Variants in RFX3 observed in about 807,000 individuals in gnomAD.
The protein encoded by RFX3 is transcription factor RFX3.
Under a neutral mutation model 98.6 loss-of-function variants are expected in RFX3, and 14 were observed. That is an observed-to-expected ratio of 0.14 (90% CI 0.09 to 0.22). The LOEUF is 0.22. Among genes scored for constraint, RFX3 ranks in the 10% least tolerant of loss-of-function variants. RFX3 has a pLI of 1.00. For synonymous variants in RFX3, 383 were observed against 328.4 expected, an observed-to-expected ratio of 1.17 and a Z score of -1.80; for missense variants, 639 against 926.9, an observed-to-expected ratio of 0.69 and a Z score of 4.03.
chr9:3,346,594 G>T (rs1834463846), intron 3 of RFX3, 73 bp downstream of exon 3: 1 of 896,722 alleles, frequency 1.1e-6, no homozygotes. Flanking sequence ...TCTGGGAATA[G>T]TGGGAGGTGT....
chr9:3,502,350 T>C (rs1463034844), intron 1 of RFX3, among the ~76,000 whole-genome samples: 1 of 152,170 alleles, frequency 6.6e-6, no homozygotes, highest in Non-Finnish European at 1.5e-5. Context: ...GAGCTGATTT[T>C]TGAAATCAAT....
At chr9:3,464,487 G>A (rs1399740018) in intron 1 of RFX3, among the ~76,000 whole-genome samples, 2 of 152,126 alleles carry the variant, frequency 1.3e-5, no homozygotes, top group Admixed American at 1.3e-4. Flanking sequence ...TACATATACA[G>A]CTAAAATCTA....
Position 3,493,701 on chromosome 9 carries a change from ATATATAT to A in RFX3, c.-9+32039_-9+32045del, listed in dbSNP as rs1425464546. On this transcript the variant is annotated intron_variant, in intron 1 of 16. Transcript: ENST00000617270. Reference sequence around the variant, plus strand: ...TCATCTCAAAAAAAAAAAAAAAAAAATATATATATATATATATATATATATACATACA... The same window carrying A: ...TCATCTCAAAAAAAAAAAAAAAAAAAATATATATATATATATATACATACA... 1.1e-3 allele frequency among the ~76,000 whole-genome samples: 101 copies of A among 89,578 alleles called. 1 individual carries two copies. In the South Asian group the frequency reaches 0.029, roughly 26 times the overall value. The allele number at this position is 89,578 out of a possible 152,430, so 58.8% of individuals were successfully genotyped here. A position where few individuals can be genotyped will look rare whatever the true frequency, so the allele number is the denominator to read the frequency against.
intron 1 of RFX3, among the ~76,000 whole-genome samples, chr9:3,402,650 C>A (rs900389152): frequency 4.6e-5 from 7 of 151,742 alleles, no homozygotes; most frequent in Non-Finnish European, 8.8e-5. Context: ...AGTTCTGCAG[C>A]ATTTATATTT....
chr9:3,439,812 T>C (rs1845468834), intron 1 of RFX3, among the ~76,000 whole-genome samples: 1 of 151,936 alleles, frequency 6.6e-6, no homozygotes, highest in African/African-American at 2.4e-5. Flanking sequence ...CACATGGAGA[T>C]ATTACAAGAA....
At chr9:3,322,850 ACCTC>A (rs752862128) in intron 4 of RFX3, among the ~76,000 whole-genome samples, 9 of 152,108 alleles carry the variant, frequency 5.9e-5, no homozygotes, top group Non-Finnish European at 1.0e-4. Context: ...ACAAGTTCTG[ACCTC>A]TTTACCTCCC....
At chr9:3,514,884 A>C (rs895753947) in intron 1 of RFX3, among the ~76,000 whole-genome samples, 11 of 152,182 alleles carry the variant, frequency 7.2e-5, no homozygotes, top group African/African-American at 2.4e-4. Context: ...TGTGCTTTTA[A>C]AGTTGTAAAG....
chr9:3,442,390 T>C (rs953679161), intron 1 of RFX3, among the ~76,000 whole-genome samples: 3 of 151,226 alleles, frequency 2.0e-5, no homozygotes, highest in African/African-American at 4.9e-5. Flanking sequence ...AAAAACAAAA[T>C]TGAAGGATAC....
intron 5 of RFX3, among the ~76,000 whole-genome samples, chr9:3,300,588 T>C (rs1174667574): frequency 6.6e-6 from 1 of 151,838 alleles, no homozygotes; most frequent in Non-Finnish European, 1.5e-5. Flanking sequence ...ATCGAGCTTT[T>C]CAGTTATAAA....
chr9:3,247,742 T>C, intron 15 of RFX3: 1 of 1,542,912 alleles, frequency 6.5e-7, no homozygotes. Context: ...AAAATATTTT[T>C]CATATTCCAG....
At chr9:3,490,555 G>C (rs887639734) in intron 1 of RFX3, among the ~76,000 whole-genome samples, 7 of 151,908 alleles carry the variant, frequency 4.6e-5, no homozygotes, top group African/African-American at 1.7e-4. Flanking sequence ...TACTGTTTTT[G>C]ATTTTACATG....
intron 1 of RFX3, among the ~76,000 whole-genome samples, chr9:3,517,048 C>T (rs1361933096): frequency 6.6e-6 from 1 of 152,170 alleles, no homozygotes; most frequent in African/African-American, 2.4e-5. Context: ...CTTTCTTGTT[C>T]TTACCAGAAG....
intron 1 of RFX3, among the ~76,000 whole-genome samples, chr9:3,482,739 C>G (rs1849892173): frequency 6.6e-6 from 1 of 151,986 alleles, no homozygotes; most frequent in African/African-American, 2.4e-5. Context: ...TAAAATGTCA[C>G]TTAAAAATGA....
At chr9:3,492,904 T>C (rs1850826381) in intron 1 of RFX3, among the ~76,000 whole-genome samples, 2 of 152,326 alleles carry the variant, frequency 1.3e-5, no homozygotes, top group Admixed American at 1.3e-4. Context: ...ATATAGTGAG[T>C]GAGCTTTCAT....
At chr9:3,326,458 T>C (rs1831931518) in intron 4 of RFX3, among the ~76,000 whole-genome samples, 1 of 152,144 alleles carries the variant, frequency 6.6e-6, no homozygotes, top group Admixed American at 6.5e-5. Context: ...TATTATTCAT[T>C]ATTTTTCCTG....
intron 2 of RFX3, among the ~76,000 whole-genome samples, chr9:3,391,084 A>G (rs189106808): frequency 6.6e-6 from 1 of 152,348 alleles, no homozygotes; most frequent in African/African-American, 2.4e-5. Flanking sequence ...ACTACCTTTG[A>G]CATCAATATC....
intron 5 of RFX3, among the ~76,000 whole-genome samples, chr9:3,300,304 T>C (rs1385752412): frequency 6.6e-6 from 1 of 151,822 alleles, no homozygotes; most frequent in African/African-American, 2.4e-5. Context: ...TTTAAGTTTG[T>C]ATGTATAATT....
At chr9:3,351,049 G>A (rs904249724) in intron 2 of RFX3, among the ~76,000 whole-genome samples, 18 of 151,438 alleles carry the variant, frequency 1.2e-4, no homozygotes, top group Admixed American at 1.1e-3. Flanking sequence ...CAAAACCATA[G>A]AATGCACAAC....
intron 5 of RFX3, among the ~76,000 whole-genome samples, chr9:3,298,091 C>T (rs1456565725): frequency 1.3e-5 from 2 of 151,402 alleles, no homozygotes; most frequent in African/African-American, 4.8e-5. Context: ...AAATTAGAAA[C>T]AAAAATATTT....
Sources: allele counts gnomAD v4.1 joint callset (sites outside exome capture counted in the v4.1 genomes callset), GRCh38; gene constraint gnomAD v4.1.1; transcripts MANE v1.5; gene names NCBI Gene and HGNC (gene_info 2026-07-23, HGNC 2026-07-21).